LYPLAL1: variants seen among roughly 807,000 people sequenced by gnomAD.
LYPLAL1 encodes the protein lysophospholipase like 1, also known as lysophospholipase-like protein 1.
In LYPLAL1, 23 loss-of-function variants were observed where a neutral mutation model predicts 19.7. The observed-to-expected ratio is 1.17, with a 90% confidence interval of 0.84 to 1.65. LYPLAL1 has a LOEUF of 1.65. Among genes scored for constraint, LYPLAL1 ranks in the 40% most tolerant of loss-of-function variants. LYPLAL1 has a pLI of 0.00. For synonymous variants in LYPLAL1, 119 were observed against 96.3 expected (o/e 1.24, Z -1.38); for missense variants, 355 against 279.4 (o/e 1.27, Z -1.93).
chr1:219,188,666 C>A (rs1656914085), intron 2 of LYPLAL1, among the ~76,000 whole-genome samples: 1 of 136,234 alleles, frequency 7.3e-6, no homozygotes, highest in Non-Finnish European at 1.6e-5. Context: ...AACTTGGTAT[C>A]AAGCTGAATG....
chr1:219,297,596 G>T, the LYPLAL1 span, among the ~76,000 whole-genome samples: 1 of 152,158 alleles, frequency 6.6e-6, no homozygotes, highest in Admixed American at 6.5e-5. Context: ...GTCTGATTTA[G>T]TCATACAAAT....
At chr1:219,428,900 T>C in the LYPLAL1 span, among the ~76,000 whole-genome samples, 1 of 152,128 alleles carries the variant, frequency 6.6e-6, no homozygotes, top group Admixed American at 6.6e-5. Context: ...CTTAGCTGGG[T>C]ACAGACTATT....
At chr1:219,234,964 T>G in the LYPLAL1 span, among the ~76,000 whole-genome samples, 3 of 142,518 alleles carry the variant, frequency 2.1e-5, no homozygotes, top group Non-Finnish European at 4.6e-5. Flanking sequence ...TTTGATGAAA[T>G]AAGAATATGA....
At chr1:219,351,703 TCA>T in the LYPLAL1 span, among the ~76,000 whole-genome samples, 2 of 152,242 alleles carry the variant, frequency 1.3e-5, no homozygotes, top group Non-Finnish European at 2.9e-5. Context: ...CCAAAGTTAT[TCA>T]CAGTGTTTTA....
the LYPLAL1 span, among the ~76,000 whole-genome samples, chr1:219,241,134 C>CTCTCTCTCTATATATATATATATATATA: frequency 1.4e-4 from 6 of 44,368 alleles, no homozygotes; most frequent in African/African-American, 3.2e-4. Flanking sequence ...CTCTCTCTCT[C>CTCTCTCTCTATATATATATATATATATA]TATATATATA....
the LYPLAL1 span, among the ~76,000 whole-genome samples, chr1:219,426,020 T>A: frequency 6.6e-6 from 1 of 152,050 alleles, no homozygotes; most frequent in Admixed American, 6.5e-5. Flanking sequence ...TATGTGCAGG[T>A]GTAAGATCCA....
At chr1:219,266,168 T>C in the LYPLAL1 span, among the ~76,000 whole-genome samples, 1 of 152,162 alleles carries the variant, frequency 6.6e-6, no homozygotes, top group Non-Finnish European at 1.5e-5. Context: ...TTTGACTCTT[T>C]TGTAATGACA....
chr1:219,433,721 G>A, the LYPLAL1 span, among the ~76,000 whole-genome samples: 1 of 152,230 alleles, frequency 6.6e-6, no homozygotes, highest in Admixed American at 6.5e-5. Context: ...AGTTTCCAGG[G>A]TCTAGCTACA....
chr1:219,283,216 G>A, the LYPLAL1 span, among the ~76,000 whole-genome samples: 4 of 152,184 alleles, frequency 2.6e-5, no homozygotes, highest in East Asian at 5.8e-4. Flanking sequence ...GACTTTTCAA[G>A]CACGTGACAA....
chr1:219,207,200 G>A (rs993830327), intron 3 of LYPLAL1, among the ~76,000 whole-genome samples: 10 of 24,276 alleles, frequency 4.1e-4, no homozygotes, highest in Non-Finnish European at 9.0e-4. Context: ...GTTATCTATC[G>A]CGTGTGGATT....
At chr1:219,195,348 A>G (rs1558233365) in intron 3 of LYPLAL1, among the ~76,000 whole-genome samples, 3 of 152,144 alleles carry the variant, frequency 2.0e-5, no homozygotes, top group South Asian at 4.1e-4. Context: ...TGGAGAAACC[A>G]GTATAATATA....
chr1:219,404,607 A>G, the LYPLAL1 span, among the ~76,000 whole-genome samples: 1 of 152,234 alleles, frequency 6.6e-6, no homozygotes, highest in African/African-American at 2.4e-5. Flanking sequence ...ACACACAAAA[A>G]AAGGGACACC....
At chr1:219,185,655 A>T (rs1020579090) in intron 2 of LYPLAL1, among the ~76,000 whole-genome samples, 1 of 151,848 alleles carries the variant, frequency 6.6e-6, no homozygotes, top group Non-Finnish European at 1.5e-5. Flanking sequence ...CCTATGGGAA[A>T]ACTTGAAGAT....
At chr1:219,357,494 A>G in the LYPLAL1 span, among the ~76,000 whole-genome samples, 2 of 152,356 alleles carry the variant, frequency 1.3e-5, no homozygotes, top group East Asian at 3.9e-4. Context: ...ATGAGATACC[A>G]TACTCACTAC....
chr1:219,293,261 AAAAAAT>A, the LYPLAL1 span, among the ~76,000 whole-genome samples: 5 of 152,290 alleles, frequency 3.3e-5, no homozygotes, highest in African/African-American at 9.6e-5. Context: ...ACAGAGCTGA[AAAAAAT>A]AAAAATAAAA....
chr1:219,310,279 TAATA>T, the LYPLAL1 span, among the ~76,000 whole-genome samples: 2 of 152,200 alleles, frequency 1.3e-5, no homozygotes, highest in African/African-American at 4.8e-5. Flanking sequence ...GGGTGATGAA[TAATA>T]AATCCAATAG....
At chr1:219,270,293 A>G in the LYPLAL1 span, among the ~76,000 whole-genome samples, 1 of 152,254 alleles carries the variant, frequency 6.6e-6, no homozygotes, top group Non-Finnish European at 1.5e-5. Context: ...TAGGTGAAAG[A>G]AAGAGAAGTG....
chr1:219,405,944 GCAGCT>G, the LYPLAL1 span, among the ~76,000 whole-genome samples: 1 of 152,204 alleles, frequency 6.6e-6, no homozygotes, highest in Non-Finnish European at 1.5e-5. Flanking sequence ...ACTGGGTTGA[GCAGCT>G]GAAAGTTGGA....
At chr1:219,239,604 C>G in the LYPLAL1 span, among the ~76,000 whole-genome samples, 24 of 152,276 alleles carry the variant, frequency 1.6e-4, no homozygotes, top group South Asian at 5.0e-3. Flanking sequence ...ATAGTTTAAA[C>G]ATAATTAGAT....
Sources: allele counts gnomAD v4.1 joint callset (sites outside exome capture counted in the v4.1 genomes callset), GRCh38; gene constraint gnomAD v4.1.1; transcripts MANE v1.5; gene names NCBI Gene and HGNC (gene_info 2026-07-23, HGNC 2026-07-21).